Variants in FNDC3A observed in about 807,000 individuals in gnomAD.
FNDC3A encodes the protein fibronectin type III domain containing 3A.
FNDC3A carries 32 observed loss-of-function variants against 148.9 expected under a neutral mutation model. The ratio of observed to expected loss-of-function variants is 0.21; its 90% CI spans 0.16 to 0.29. FNDC3A has a LOEUF of 0.29. Ranked by LOEUF, FNDC3A falls within the 10% of genes least tolerant of loss-of-function variation. The pLI is 1.00. For synonymous variants in FNDC3A, 472 were observed against 473.6 expected (o/e 1.00, Z 0.04); for missense variants, 1,191 against 1,452.8 (o/e 0.82, Z 2.93).
chr13:49,135,404 C>T (rs1345193764), intron 5 of FNDC3A, among the ~76,000 whole-genome samples: 3 of 151,938 alleles, frequency 2.0e-5, no homozygotes, highest in African/African-American at 4.8e-5. Flanking sequence ...TTTGGTGTCT[C>T]GTCTAAGAAA....
chr13:49,067,756 A>AT (rs1877361739), intron 2 of FNDC3A, among the ~76,000 whole-genome samples: 1 of 152,232 alleles, frequency 6.6e-6, no homozygotes, highest in Non-Finnish European at 1.5e-5. Flanking sequence ...CAGAAATTGT[A>AT]ATATCTACAG....
At position 49,180,732 on chromosome 13, in the gene FNDC3A, AT is replaced by A. The variant is rs576712729; in HGVS notation, c.1617+2079del. Among the ~76,000 whole-genome samples the A allele has an allele frequency of 3.3e-3, 510 of 152,256 alleles. 1 individual carries two copies. Among genetic ancestry groups the A allele is most frequent in the Middle Eastern group, 0.02 (6 of 294 alleles). On this transcript the variant is annotated intron_variant, in intron 14 of 25. Coordinates refer to ENST00000492622, the MANE Select transcript of FNDC3A (RefSeq NM_001079673.2). ...TTCCTTAGCATTCTACTATAAGCTA[AT>A]CAAATTTCTATTTAGGCCAGGCATG...
intron 6 of FNDC3A, among the ~76,000 whole-genome samples, chr13:49,138,227 T>G (rs944058083): frequency 6.6e-6 from 1 of 152,142 alleles, no homozygotes; most frequent in Non-Finnish European, 1.5e-5. Flanking sequence ...GTTCTCCCAT[T>G]TATTTGAGAC....
rs181754801 is a variant in FNDC3A, at chr13:49,208,585, T to C, written c.*1190T>C. The stretch of plus-strand genomic sequence containing the variant: ...GAGCACTTTGCAATTGCATAATTCA[T>C]TAATGTTTTGTGAGCTTGCATTTGT... On this transcript the variant is annotated 3_prime_UTR_variant, in exon 26 of 26. Transcript: ENST00000492622. The C allele has an allele frequency of 1.3e-5, 2 of 152,774 alleles. No homozygotes were observed. The highest frequency in any genetic ancestry group is 3.9e-4 in the East Asian group (2 of 5,188). 9.5% of individuals were successfully genotyped at this position (152,774 alleles called of 1,614,324 possible). A position where few individuals can be genotyped will look rare whatever the true frequency, so the allele number is the denominator to read the frequency against.
intron 17 of FNDC3A, among the ~76,000 whole-genome samples, chr13:49,190,048 G>C (rs532092343): frequency 6.6e-6 from 1 of 151,934 alleles, no homozygotes; most frequent in Admixed American, 6.6e-5. Flanking sequence ...CACCATGCCC[G>C]GCTACTTTTT....
chr13:49,184,954 G>T (rs893721621), intron 14 of FNDC3A, among the ~76,000 whole-genome samples: 1 of 149,264 alleles, frequency 6.7e-6, no homozygotes, highest in Non-Finnish European at 1.5e-5. Flanking sequence ...TAAGGGGGAG[G>T]GGGGTGGGCA....
chr13:49,158,315 C>A (rs564349082), intron 8 of FNDC3A, among the ~76,000 whole-genome samples: 13 of 152,190 alleles, frequency 8.5e-5, no homozygotes, highest in African/African-American at 2.4e-4. Context: ...TTCTTTGACT[C>A]GGAAAGGGAA....
chr13:49,198,921 T>A (rs1886290438), intron 23 of FNDC3A, among the ~76,000 whole-genome samples: 1 of 152,220 alleles, frequency 6.6e-6, no homozygotes, highest in African/African-American at 2.4e-5. Context: ...AGTGGGCTAC[T>A]GTTTGGTTGT....
intron 2 of FNDC3A, among the ~76,000 whole-genome samples, chr13:49,009,054 G>A (rs2137605265): frequency 6.6e-6 from 1 of 152,152 alleles, no homozygotes; most frequent in Admixed American, 6.6e-5. Flanking sequence ...CTTAACAGAT[G>A]GGTAATGTCA....
At chr13:49,159,935 C>T (rs1049337041) in intron 8 of FNDC3A, among the ~76,000 whole-genome samples, 13 of 152,140 alleles carry the variant, frequency 8.5e-5, no homozygotes, top group Admixed American at 3.3e-4. Flanking sequence ...GATTTGCATA[C>T]GTTGAACAAG....
chr13:49,038,116 C>G (rs1025995412), intron 2 of FNDC3A, among the ~76,000 whole-genome samples: 18 of 152,134 alleles, frequency 1.2e-4, no homozygotes, highest in African/African-American at 4.3e-4. Context: ...CCCCACTGAA[C>G]TCTTGGTGTT....
Position 49,191,015 on chromosome 13 carries a change from G to A in FNDC3A, c.1945G>A (p.Val649Ile). ...YCISDGGQSA[V>I]SESLLVQTPA... ...TTTCTTTTTGCTTTTGTTTTGGCAG[G>A]TCTCTGAATCTTTACTTGTGCAGAC... Residue 649 changes from valine (V) to isoleucine (I), a missense_variant and splice_region_variant, in exon 18 of 26, where the codon GTC becomes ATC. This residue lies in a region of FNDC3A where 751 missense variants were observed against 944.0 expected (regional missense o/e 0.80). Transcript: ENST00000492622. 1 of 1,599,272 alleles carries A rather than the reference G, an allele frequency of 6.3e-7. No individual in the cohort carries two copies. The highest frequency in any genetic ancestry group is 8.5e-7 in the Non-Finnish European group (1 of 1,175,262).
intron 10 of FNDC3A, among the ~76,000 whole-genome samples, chr13:49,169,337 T>C (rs1884639076): frequency 6.6e-6 from 1 of 152,220 alleles, no homozygotes; most frequent in Non-Finnish European, 1.5e-5. Context: ...AAATGCAGTC[T>C]TTCCCAGATT....
intron 9 of FNDC3A, 45 bp from the exon 10 acceptor site, chr13:49,168,568 A>C (rs768739632): frequency 6.7e-7 from 1 of 1,497,784 alleles, no homozygotes; most frequent in Admixed American, 1.7e-5. Context: ...TGAAAACAGG[A>C]TACAGTGATT....
intron 3 of FNDC3A, among the ~76,000 whole-genome samples, chr13:49,083,361 G>A (rs982553069): frequency 5.9e-5 from 9 of 152,162 alleles, no homozygotes; most frequent in African/African-American, 1.4e-4. Flanking sequence ...TTATTTTAGC[G>A]GAACTAGAAC....
chr13:49,076,699 G>C (rs1385420714), intron 3 of FNDC3A, among the ~76,000 whole-genome samples: 1 of 152,006 alleles, frequency 6.6e-6, no homozygotes, highest in Non-Finnish European at 1.5e-5. Context: ...GAGTGCTGTA[G>C]TGTTATTGTT....
intron 7 of FNDC3A, among the ~76,000 whole-genome samples, chr13:49,143,124 T>G (rs1882783028): frequency 6.6e-6 from 1 of 152,126 alleles, no homozygotes; most frequent in South Asian, 2.1e-4. Flanking sequence ...CACCTCGGCC[T>G]CCCAAAGTGC....
chr13:49,042,987 A>T (rs1446639430), intron 2 of FNDC3A, among the ~76,000 whole-genome samples: 1 of 152,054 alleles, frequency 6.6e-6, no homozygotes. Context: ...CCAGGGTCTC[A>T]TTCTGTCACC....
chr13:49,016,364 C>T (rs566643896), intron 2 of FNDC3A, among the ~76,000 whole-genome samples: 1 of 152,250 alleles, frequency 6.6e-6, no homozygotes, highest in South Asian at 2.1e-4. Context: ...GTATCCATTT[C>T]TTCTAGATTT....
Sources: gnomAD v4.1 joint callset for allele counts (sites outside exome capture counted in the v4.1 genomes callset) on GRCh38, gnomAD v4.1.1 for gene constraint, gnomAD v4.1.1 regional missense constraint, MANE v1.5 for transcripts, NCBI Gene and HGNC (gene_info 2026-07-23, HGNC 2026-07-21) for gene names.